Variants in WDR17 observed in about 807,000 individuals in gnomAD.
WDR17 encodes WD repeat domain 17.
In WDR17, 143 loss-of-function variants were observed where a neutral mutation model predicts 161.7. The observed-to-expected ratio is 0.88, with a 90% CI of 0.77 to 1.02. WDR17 has a LOEUF of 1.02. WDR17 is among the 50% of genes least tolerant of loss of function. The pLI, the probability that WDR17 is intolerant of heterozygous loss-of-function variation, is 0.00. For missense variants in WDR17, 1,469 were observed against 1,520.9 expected, an observed-to-expected ratio of 0.97 and a Z score of 0.57; for synonymous variants, 517 against 515.6, an observed-to-expected ratio of 1.00 and a Z score of -0.04.
chr4:176,167,656 A>AAAAAAAAAAAC (rs1750030953), intron 22 of WDR17, among the ~76,000 whole-genome samples: 4 of 116,232 alleles, frequency 3.4e-5, no homozygotes, highest in African/African-American at 1.2e-4. Flanking sequence ...AAAAAAAAAA[A>AAAAAAAAAAAC]AAAAAAAAAA....
intron 1 of WDR17, among the ~76,000 whole-genome samples, chr4:176,081,360 C>T (rs11731524): frequency 0.52 from 79,088 of 151,886 alleles, 22,049 homozygotes; most frequent in South Asian, 0.63. Flanking sequence ...CTCCTTTTTA[C>T]GTGCCATTAT....
chr4:176,107,551 G>A (rs776445275), intron 1 of WDR17, among the ~76,000 whole-genome samples: 11 of 151,410 alleles, frequency 7.3e-5, no homozygotes, highest in Middle Eastern at 3.4e-3. Flanking sequence ...TCACAGACAC[G>A]TGGATAAGGA....
At chr4:176,178,226 A>G (rs186209525) in intron 28 of WDR17, among the ~76,000 whole-genome samples, 13 of 152,234 alleles carry the variant, frequency 8.5e-5, no homozygotes, top group African/African-American at 2.9e-4. Flanking sequence ...TGCCACTGCA[A>G]GCTAGTTTAG....
chr4:176,068,713 G>T (rs568740896), intron 1 of WDR17, among the ~76,000 whole-genome samples: 1 of 152,126 alleles, frequency 6.6e-6, no homozygotes, highest in Non-Finnish European at 1.5e-5. Context: ...GATTTGGTTG[G>T]TACTTTTTGA....
At chr4:176,122,130 A>T (rs766515407) in intron 4 of WDR17, among the ~76,000 whole-genome samples, 1 of 152,166 alleles carries the variant, frequency 6.6e-6, no homozygotes. Context: ...CAAAGAAAGG[A>T]TCTGTTCCAG....
intron 1 of WDR17, among the ~76,000 whole-genome samples, chr4:176,109,621 T>C (rs1379680114): frequency 6.6e-6 from 1 of 152,118 alleles, no homozygotes; most frequent in Non-Finnish European, 1.5e-5. Context: ...AAATATGAAA[T>C]AGAAAAGATA....
At chr4:176,129,668 G>A (rs142894895) in intron 6 of WDR17, among the ~76,000 whole-genome samples, 2 of 152,054 alleles carry the variant, frequency 1.3e-5, no homozygotes, top group South Asian at 4.2e-4. Flanking sequence ...CAAGTAATTA[G>A]CAATGGCTAT....
chr4:176,108,119 A>G (rs1328860983), intron 1 of WDR17, among the ~76,000 whole-genome samples: 2 of 151,884 alleles, frequency 1.3e-5, no homozygotes, highest in African/African-American at 4.8e-5. Context: ...GCGCACTGCA[A>G]CCTTACACTC....
intron 17 of WDR17, among the ~76,000 whole-genome samples, chr4:176,155,548 T>TTGTTTTGTTTTG (rs1561192047): frequency 7.2e-6 from 1 of 138,762 alleles, no homozygotes; most frequent in African/African-American, 2.7e-5. Flanking sequence ...TGTTTGTGTT[T>TTGTTTTGTTTTG]TTTTTTTTTT....
At chr4:176,129,791 G>C (rs559581657) in intron 6 of WDR17, among the ~76,000 whole-genome samples, 6 of 152,240 alleles carry the variant, frequency 3.9e-5, no homozygotes, top group Non-Finnish European at 8.8e-5. Flanking sequence ...AATAAATGTA[G>C]AACCTGGAAA....
At chr4:176,159,729 A>G (rs2126844774) in intron 18 of WDR17, among the ~76,000 whole-genome samples, 1 of 152,316 alleles carries the variant, frequency 6.6e-6, no homozygotes, top group East Asian at 1.9e-4. Context: ...TTAATAAACT[A>G]CATTGATTTT....
At chr4:176,176,590 T>A (rs1237406711) in intron 26 of WDR17, among the ~76,000 whole-genome samples, 2 of 152,226 alleles carry the variant, frequency 1.3e-5, no homozygotes, top group Non-Finnish European at 2.9e-5. Context: ...TTCAAACTCC[T>A]ATGTGTATAT....
chr4:176,164,686 A>G (rs1749512075), intron 22 of WDR17, among the ~76,000 whole-genome samples: 1 of 152,172 alleles, frequency 6.6e-6, no homozygotes, highest in South Asian at 2.1e-4. Flanking sequence ...CAACACTTAC[A>G]TTCTTCTTTT....
chr4:176,151,078 A>G (rs1038861931), intron 16 of WDR17, among the ~76,000 whole-genome samples: 5 of 152,220 alleles, frequency 3.3e-5, no homozygotes, highest in Non-Finnish European at 7.3e-5. Context: ...TTTCTGAAAT[A>G]TGTATAGTTA....
Position 176,138,118 on chromosome 4 carries a change from G to A in WDR17, c.1359+507G>A, listed in dbSNP as rs189252902. On this transcript the variant is annotated intron_variant, in intron 9 of 28. Transcript: ENST00000508596. ...ACAGATTTTATTTCTCCTTTGTCTTGGAGTTATATTGTCATCCCATATTTT... is the reference window on the plus strand; with the variant it reads ...ACAGATTTTATTTCTCCTTTGTCTTAGAGTTATATTGTCATCCCATATTTT... Among the ~76,000 whole-genome samples the A allele has an allele frequency of 1.5e-4, 22 of 151,596 alleles. No individual in the cohort carries two copies. In the East Asian group the frequency reaches 4.1e-3, roughly 28 times the overall value.
At chr4:176,171,858 A>G (rs1016971237) in intron 23 of WDR17, among the ~76,000 whole-genome samples, 1 of 152,170 alleles carries the variant, frequency 6.6e-6, no homozygotes, top group African/African-American at 2.4e-5. Flanking sequence ...TGGCATTTCA[A>G]AATGTCAAAG....
rs1752180186 is a variant in WDR17, at chr4:176,181,713, G to A, written c.*2134G>A. 6.6e-6 allele frequency: 1 copy of A among 152,662 alleles called. No individual in the cohort carries two copies. Among genetic ancestry groups the A allele is most frequent in the East Asian group, 1.9e-4 (1 of 5,244 alleles). The allele number at this position is 152,662 out of a possible 1,614,324, so 9.5% of individuals were successfully genotyped here. A position where few individuals can be genotyped will look rare whatever the true frequency, so the allele number is the denominator to read the frequency against. Reference sequence around the variant, plus strand: ...TTTTTATTTTAAAATAAATAAATAAGCCTATCTTTTTGTGCTTACATACTT... The same window carrying A: ...TTTTTATTTTAAAATAAATAAATAAACCTATCTTTTTGTGCTTACATACTT... On this transcript the variant is annotated 3_prime_UTR_variant, in exon 29 of 29. Transcript: ENST00000508596.
chr4:176,097,169 C>A (rs144714959), intron 1 of WDR17, among the ~76,000 whole-genome samples: 27 of 151,982 alleles, frequency 1.8e-4, no homozygotes, highest in African/African-American at 6.5e-4. Context: ...TTAAAATGTA[C>A]CTTGTCAAAT....
chr4:176,106,827 T>C (rs1738813380), intron 1 of WDR17, among the ~76,000 whole-genome samples: 1 of 152,092 alleles, frequency 6.6e-6, no homozygotes, highest in East Asian at 1.9e-4. Context: ...GGCGCATGCC[T>C]ATAGGCCTAG....
Sources: gnomAD v4.1 joint callset for allele counts (sites outside exome capture counted in the v4.1 genomes callset) on GRCh38, gnomAD v4.1.1 for gene constraint, MANE v1.5 for transcripts, NCBI Gene and HGNC (gene_info 2026-07-23, HGNC 2026-07-21) for gene names.